LANCL2: variants seen among roughly 807,000 people sequenced by gnomAD.
LANCL2 encodes LanC like glutathione S-transferase 2.
LANCL2 carries 33 observed loss-of-function variants against 56.9 expected under a neutral mutation model. The observed-to-expected ratio is 0.58, with a 90% confidence interval of 0.44 to 0.78. The LOEUF (loss-of-function observed/expected upper bound fraction) is 0.78, where lower values mean the gene tolerates loss of function less well. LANCL2 is among the 30% of genes least tolerant of loss of function. The pLI is 0.00. For missense variants in LANCL2, 562 were observed against 580.2 expected, an observed-to-expected ratio of 0.97 and a Z score of 0.32; for synonymous variants, 233 against 228.2, an observed-to-expected ratio of 1.02 and a Z score of -0.19.
intron 2 of LANCL2, among the ~76,000 whole-genome samples, chr7:55,393,172 A>G (rs1315394294): frequency 6.6e-6 from 1 of 152,214 alleles, no homozygotes. Flanking sequence ...CTGAAGTCCA[A>G]ATTGCTAATG....
rs140706440 is a variant in LANCL2 at position 55,388,488 on chromosome 7, G to T, written c.205-3305G>T. Among the ~76,000 whole-genome samples, 208 of 152,342 alleles carry T rather than the reference G, an allele frequency of 1.4e-3. 1 individual carries two copies. The East Asian group carries it at 0.015, about 11-fold the overall frequency. ...TTGAACCTGGGAGGCAGAGGCTGCA[G>T]TGAGCCAAGATGGTGCCACTGCATT... On this transcript the variant is annotated intron_variant, in intron 1 of 8. Coordinates refer to ENST00000254770, the MANE Select transcript of LANCL2 (RefSeq NM_018697.4).
intron 1 of LANCL2, among the ~76,000 whole-genome samples, chr7:55,376,102 C>G (rs1296234852): frequency 6.6e-6 from 1 of 152,164 alleles, no homozygotes; most frequent in Admixed American, 6.5e-5. Flanking sequence ...TCCAGGACAT[C>G]TTTGGGGGCC....
At chr7:55,405,241 A>C (rs567898135) in intron 5 of LANCL2, among the ~76,000 whole-genome samples, 1 of 152,172 alleles carries the variant, frequency 6.6e-6, no homozygotes, top group Admixed American at 6.5e-5. Flanking sequence ...TGAAGCCGGC[A>C]GGCAGGAAGG....
At chr7:55,388,718 C>T (rs1790153597) in intron 1 of LANCL2, among the ~76,000 whole-genome samples, 1 of 152,224 alleles carries the variant, frequency 6.6e-6, no homozygotes, top group Admixed American at 6.5e-5. Flanking sequence ...TTTCCCATCT[C>T]TTCAAGTCAC....
At chr7:55,405,905 GC>G (rs903080062) in intron 5 of LANCL2, among the ~76,000 whole-genome samples, 2 of 30,196 alleles carry the variant, frequency 6.6e-5, no homozygotes, top group African/African-American at 4.9e-4. Context: ...GGTAGAGCCA[GC>G]ATGGGGAGCT....
intron 6 of LANCL2, 142 bp downstream of exon 6, chr7:55,412,231 G>T: frequency 1.4e-6 from 1 of 729,836 alleles, no homozygotes; most frequent in Non-Finnish European, 2.2e-6. Context: ...TAAAGTCTCT[G>T]TATTTTACCA....
chr7:55,433,151 C>G lies in LANCL2; in HGVS notation c.*1831C>G, dbSNP rs906136425. 6.6e-6 allele frequency: 1 copy of G among 152,402 alleles called. No individual in the cohort carries two copies. The highest frequency in any genetic ancestry group is 6.5e-5 in the Admixed American group (1 of 15,290). The allele number at this position is 152,402 out of a possible 1,614,324, so 9.4% of individuals were successfully genotyped here. On this transcript the variant is annotated 3_prime_UTR_variant, in exon 9 of 9. Coordinates refer to ENST00000254770, the MANE Select transcript of LANCL2 (RefSeq NM_018697.4). ...AGCACGGTGCTCTCCAGGGCAGCCCCTCTCAGACGAGGAGGCAGCGGGTGC... is the reference window on the plus strand; with the variant it reads ...AGCACGGTGCTCTCCAGGGCAGCCCGTCTCAGACGAGGAGGCAGCGGGTGC...
intron 1 of LANCL2, among the ~76,000 whole-genome samples, chr7:55,367,543 G>T (rs941389757): frequency 2.0e-5 from 3 of 152,192 alleles, no homozygotes; most frequent in Non-Finnish European, 4.4e-5. Context: ...TGGCCAACAT[G>T]GCAAAACACC....
intron 5 of LANCL2, among the ~76,000 whole-genome samples, chr7:55,402,747 T>C (rs1790354116): frequency 8.3e-6 from 1 of 120,440 alleles, no homozygotes; most frequent in Non-Finnish European, 1.8e-5. Flanking sequence ...GCGGAGACGC[T>C]CCTCACTTCT....
rs1789864917 is a variant in LANCL2 at position 55,366,229 on chromosome 7, G to A, written c.204G>A (p.Lys68=). The change falls in exon 1 of 9, where the codon AAG becomes AAA. Residue 68 remains lysine, a splice_region_variant and synonymous_variant. Transcript: ENST00000254770. ...EPGLPFHQDG[K]IIHNFIRRIQ... is the part of the protein sequence containing the mutation. ...GCCTCCCTTTTCATCAGGACGGGAA[G>A]GTGAGTCGGCGGCCTGGCCGCAGAG... 7.3e-6 allele frequency: 11 copies of A among 1,502,620 alleles called. No homozygotes were observed. The highest frequency in any genetic ancestry group is 2.6e-5 in the East Asian group (1 of 38,650). 93.1% of individuals were successfully genotyped at this position (1,502,620 alleles called of 1,614,324 possible). A position where few individuals can be genotyped will look rare whatever the true frequency, so the allele number is the denominator to read the frequency against.
At chr7:55,392,705 G>C (rs1790205978) in intron 2 of LANCL2, among the ~76,000 whole-genome samples, 1 of 151,820 alleles carries the variant, frequency 6.6e-6, no homozygotes, top group South Asian at 2.1e-4. Context: ...AGATGATTTG[G>C]AATTTTATTT....
At chr7:55,416,969 G>GTTTTTTTT (rs869116156) in intron 6 of LANCL2, among the ~76,000 whole-genome samples, 11 of 81,654 alleles carry the variant, frequency 1.3e-4, no homozygotes, top group East Asian at 2.9e-4. Context: ...AAACGAGGTG[G>GTTTTTTTT]TTTTTTTTTT....
chr7:55,426,872 T>C (rs1790669753), intron 7 of LANCL2, among the ~76,000 whole-genome samples: 1 of 151,938 alleles, frequency 6.6e-6, no homozygotes, highest in African/African-American at 2.4e-5. Context: ...CTTGATGATG[T>C]GATGATGGTA....
At chr7:55,429,761 C>T (rs532609032) in intron 8 of LANCL2, among the ~76,000 whole-genome samples, 1 of 152,228 alleles carries the variant, frequency 6.6e-6, no homozygotes, top group Non-Finnish European at 1.5e-5. Flanking sequence ...ATAATAGCAC[C>T]TTCAGAGCCC....
At chr7:55,392,757 T>C (rs937660467) in intron 2 of LANCL2, among the ~76,000 whole-genome samples, 2 of 152,164 alleles carry the variant, frequency 1.3e-5, no homozygotes, top group Non-Finnish European at 2.9e-5. Flanking sequence ...CTTTAATATC[T>C]AGTGTGTCTT....
intron 1 of LANCL2, among the ~76,000 whole-genome samples, chr7:55,380,641 G>C (rs1790056156): frequency 6.6e-6 from 1 of 152,088 alleles, no homozygotes; most frequent in Non-Finnish European, 1.5e-5. Flanking sequence ...TGGAGGAGGA[G>C]GGAGGTTCTA....
chr7:55,376,034 C>T (rs1789996448), intron 1 of LANCL2, among the ~76,000 whole-genome samples: 1 of 152,098 alleles, frequency 6.6e-6, no homozygotes, highest in Non-Finnish European at 1.5e-5. Flanking sequence ...TTAGATGGGC[C>T]CCGCTTGGAT....
rs868723322 is a variant in LANCL2, at chr7:55,416,969, G to A, written c.1008+4880G>A. Among the ~76,000 whole-genome samples, 12 of 81,658 alleles carry A rather than the reference G, an allele frequency of 1.5e-4. 1 individual carries two copies. In the South Asian group the frequency reaches 4.2e-3, roughly 29 times the overall value. The allele number at this position is 81,658 out of a possible 152,430, so 53.6% of individuals were successfully genotyped here. On this transcript the variant is annotated intron_variant, in intron 6 of 8. Coordinates refer to ENST00000254770, the MANE Select transcript of LANCL2 (RefSeq NM_018697.4). The stretch of plus-strand genomic sequence containing the variant: ...ATTACATGAGGTAACAAACGAGGTG[G>A]TTTTTTTTTTTTTTTTTTTTTTTTT...
At chr7:55,402,258 CCG>C (rs1790341617) in intron 5 of LANCL2, among the ~76,000 whole-genome samples, 1 of 131,816 alleles carries the variant, frequency 7.6e-6, no homozygotes. Context: ...GCTGACCCCC[CCG>C]CCTCCCTCCC....
Sources: gnomAD v4.1 joint callset for allele counts (sites outside exome capture counted in the v4.1 genomes callset) on GRCh38, gnomAD v4.1.1 for gene constraint, MANE v1.5 for transcripts, NCBI Gene and HGNC (gene_info 2026-07-23, HGNC 2026-07-21) for gene names.